The following TECPR1 variants were observed in gnomAD, a reference collection of about 807,000 sequenced individuals.
TECPR1 encodes tectonin beta-propeller repeat-containing protein 1.
TECPR1 carries 122 observed loss-of-function variants against 162.4 expected under a neutral mutation model. The observed-to-expected ratio is 0.75, with a 90% CI of 0.65 to 0.87. The LOEUF is 0.87. TECPR1 is among the 40% of genes least tolerant of loss of function. The pLI, the probability that TECPR1 is intolerant of heterozygous loss-of-function variation, is 0.00. For missense variants in TECPR1, 1,432 were observed against 1,618.2 expected (o/e 0.88, Z 1.97); for synonymous variants, 642 against 670.6 (o/e 0.96, Z 0.66).
chr7:98,225,901 A>G (rs151305126), intron 17 of TECPR1, among the ~76,000 whole-genome samples: 6 of 152,320 alleles, frequency 3.9e-5, no homozygotes, highest in Admixed American at 2.0e-4. Context: ...CTGGGATTAC[A>G]GGCGTGAATC....
intron 4 of TECPR1, 96 bp from the exon 5 acceptor site, chr7:98,244,789 G>A (rs1396231940): frequency 1.5e-5 from 24 of 1,581,498 alleles, no homozygotes; most frequent in Non-Finnish European, 2.0e-5. Flanking sequence ...AAACACCCGA[G>A]CTCAGGCACC....
intron 17 of TECPR1, chr7:98,226,784 A>G: frequency 1.7e-6 from 1 of 583,144 alleles, no homozygotes; most frequent in Non-Finnish European, 2.8e-6. Context: ...AAATACAAAA[A>G]TAGCCAGGTA....
At chr7:98,245,290 A>G (rs1482840211) in intron 3 of TECPR1, among the ~76,000 whole-genome samples, 2 of 152,214 alleles carry the variant, frequency 1.3e-5, no homozygotes. Flanking sequence ...CCAAAGGGCA[A>G]AGAACCTCCT....
chr7:98,225,170 C>T, intron 17 of TECPR1, 68 bp from the exon 18 acceptor site: 2 of 1,389,928 alleles, frequency 1.4e-6, no homozygotes, highest in Non-Finnish European at 2.0e-6. Flanking sequence ...CAGACACCCC[C>T]ATAACACCCC....
Position 98,215,073 on chromosome 7 carries a change from C to G in TECPR1, c.*2317G>C, listed in dbSNP as rs1055831842. 3 of 152,334 alleles carry G rather than the reference C, an allele frequency of 2.0e-5. No homozygotes were observed. Among genetic ancestry groups the G allele is most frequent in the Non-Finnish European group, 4.4e-5 (3 of 68,108 alleles). 9.4% of individuals were successfully genotyped at this position (152,334 alleles called of 1,614,324 possible). On this transcript the variant is annotated 3_prime_UTR_variant, in exon 26 of 26. Coordinates refer to ENST00000447648, the MANE Select transcript of TECPR1 (RefSeq NM_015395.3). ...GATCCTTTTATCCCGTGGGGAGCCCCTGCCTCGGCCATCGGGATGAGGTCC... is the reference window on the plus strand; with the variant it reads ...GATCCTTTTATCCCGTGGGGAGCCCGTGCCTCGGCCATCGGGATGAGGTCC...
intron 9 of TECPR1, among the ~76,000 whole-genome samples, chr7:98,237,295 CT>C (rs1201019719): frequency 1.3e-5 from 2 of 152,158 alleles, no homozygotes; most frequent in African/African-American, 4.8e-5. Flanking sequence ...GTTTTGTTGT[CT>C]TTGTTTTTTG....
chr7:98,224,737 C>T (rs916783788), intron 19 of TECPR1, 64 bp downstream of exon 19: 61 of 1,468,042 alleles, frequency 4.2e-5, no homozygotes, highest in Non-Finnish European at 5.2e-5. Context: ...GGCCAGAGGC[C>T]ACACACTCCA....
chr7:98,226,350 TC>T (rs1176800308), intron 17 of TECPR1: 3 of 682,096 alleles, frequency 4.4e-6, no homozygotes, highest in Non-Finnish European at 3.6e-6. Context: ...CACAGGGACA[TC>T]CTTTAAATGG....
chr7:98,225,699 G>A (rs1261537673), intron 17 of TECPR1, among the ~76,000 whole-genome samples: 1 of 152,044 alleles, frequency 6.6e-6, no homozygotes, highest in Non-Finnish European at 1.5e-5. Context: ...TGTCACCCAG[G>A]CTGGAGTGCA....
intron 16 of TECPR1, chr7:98,228,813 C>T (rs926516681): frequency 3.2e-5 from 17 of 525,356 alleles, no homozygotes; most frequent in Middle Eastern, 5.3e-4. Flanking sequence ...TGCTGGTGGA[C>T]CCTGGCCGCT....
At position 98,252,171 on chromosome 7, in the gene TECPR1, G is replaced by C. The variant is rs998164854; in HGVS notation, c.-220C>G. ...GCGAAGTCGCGGTGGTAGGTCCTCG[G>C]CGTCCGGGAGGAGCGGACCGGCCCT... On this transcript the variant is annotated 5_prime_UTR_variant, in exon 1 of 26. Transcript: ENST00000447648. 2 of 152,590 alleles carry C rather than the reference G, an allele frequency of 1.3e-5. No individual in the cohort carries two copies. The highest frequency in any genetic ancestry group is 4.8e-5 in the African/African-American group (2 of 41,476). 9.5% of individuals were successfully genotyped at this position (152,590 alleles called of 1,614,324 possible).
At position 98,228,086 on chromosome 7, in the gene TECPR1, G is replaced by C. The variant is rs755722702; in HGVS notation, c.2441C>G (p.Thr814Arg). 12 of 1,612,458 alleles carry C rather than the reference G, an allele frequency of 7.4e-6. No homozygotes were observed. The highest frequency in any genetic ancestry group is 1.7e-6 in the Non-Finnish European group (2 of 1,179,500). ...GTGAACACACTTCACGTCTGACTGC[G>C]TGTAGATGTTACTGGTGCTGCTGGC... Reference protein sequence around the residue: ...GLASSTSNIYTQSDVKCVHIY... With the variant: ...GLASSTSNIYRQSDVKCVHIY... Residue 814 changes from threonine (T) to arginine (R), a missense_variant, in exon 17 of 26, where the codon ACG (threonine) becomes AGG (arginine). By Grantham distance (71) the Thr-to-Arg change is moderately conservative. Coordinates refer to ENST00000447648, the MANE Select transcript of TECPR1 (RefSeq NM_015395.3).
In TECPR1 at chr7:98,231,104, G is replaced by C. The variant is rs1475635787; in HGVS notation, c.2139C>G (p.Ser713Arg). 2 of 1,601,240 alleles carry C rather than the reference G, an allele frequency of 1.2e-6. No homozygotes were observed. Among genetic ancestry groups the C allele is most frequent in the South Asian group, 1.1e-5 (1 of 89,540 alleles). ...QDMNDWLALL[S>R]LSCCESRKVQ... ...CCTTCCGGCTCTCGCAGCAAGACAG[G>C]CTGAGCAGGGCGAGCTGGTGTGGCA... Residue 713 changes from serine (S) to arginine (R), a missense_variant, in exon 15 of 26, where the codon AGC (serine) becomes AGG (arginine). Ser to Arg is a moderately radical substitution (Grantham distance 110, BLOSUM62 -1). Coordinates refer to ENST00000447648, the MANE Select transcript of TECPR1 (RefSeq NM_015395.3).
intron 15 of TECPR1, among the ~76,000 whole-genome samples, chr7:98,229,624 G>A (rs1302497510): frequency 6.6e-6 from 1 of 151,818 alleles, no homozygotes; most frequent in East Asian, 2.0e-4. Flanking sequence ...TGGGCTTCCA[G>A]GGTGTCAGCG....
chr7:98,232,027 TG>T lies in TECPR1; in HGVS notation c.1819-69del, dbSNP rs1584338067. The T allele has an allele frequency of 4.2e-5, 64 of 1,513,256 alleles. No homozygotes were observed. In the South Asian group the frequency reaches 7.0e-4, roughly 17 times the overall value. 93.7% of individuals were successfully genotyped at this position (1,513,256 alleles called of 1,614,324 possible). A position where few individuals can be genotyped will look rare whatever the true frequency, so the allele number is the denominator to read the frequency against. On this transcript the variant is annotated intron_variant, in intron 12 of 25. Transcript: ENST00000447648. This position sits in a 1 kb window ranked among gnomAD's most constrained non-coding sequence, Gnocchi z 4.6. ...GGGTGCCAGGGGAGGAGGGCGGGGC[TG>T]GGGGTGCCCAGAGGAGGAGGCAGGG...
Position 98,233,448 on chromosome 7 carries a change from T to C in TECPR1, c.1645A>G (p.Met549Val), listed in dbSNP as rs1451363116. 2.7e-6 allele frequency: 4 copies of C among 1,468,740 alleles called. No individual in the cohort carries two copies. Among genetic ancestry groups the C allele is most frequent in the Admixed American group, 2.7e-5 (1 of 36,772 alleles). 91.0% of individuals were successfully genotyped at this position (1,468,740 alleles called of 1,614,324 possible). The part of the protein sequence containing the change: ...GGGCVVEACA[M>V]PRWFTVQAGL... The stretch of plus-strand genomic sequence containing the variant: ...GCCTGGACAGTGAACCATCTGGGCA[T>C]GGCACATGCCTCCACCACGCAGCCG... The change falls in exon 11 of 26, where the codon ATG becomes GTG. Residue 549 changes from methionine (M) to valine (V), a missense_variant. By Grantham distance (21) the Met-to-Val change is conservative. Coordinates refer to ENST00000447648, the MANE Select transcript of TECPR1 (RefSeq NM_015395.3).
intron 5 of TECPR1, 97 bp downstream of exon 5, chr7:98,244,474 C>A (rs1798848722): frequency 6.7e-7 from 1 of 1,489,238 alleles, no homozygotes; most frequent in Non-Finnish European, 9.0e-7. Context: ...GCGTGGTGTC[C>A]CCTGGTGCAC....
At chr7:98,222,653 C>T (rs1425151066) in intron 21 of TECPR1, 132 bp from the exon 22 acceptor site, 1 of 1,104,238 alleles carries the variant, frequency 9.1e-7, no homozygotes, top group Admixed American at 2.8e-5. Flanking sequence ...AGTCACACAG[C>T]CCCACCCGGC....
Position 98,216,359 on chromosome 7 carries a change from G to A in TECPR1, c.*1031C>T, listed in dbSNP as rs1387889125. The A allele has an allele frequency of 6.6e-6, 1 of 152,388 alleles. No homozygotes were observed. The highest frequency in any genetic ancestry group is 2.4e-5 in the African/African-American group (1 of 41,446). The allele number at this position is 152,388 out of a possible 1,614,324, so 9.4% of individuals were successfully genotyped here. On this transcript the variant is annotated 3_prime_UTR_variant, in exon 26 of 26. Transcript: ENST00000447648. ...TCCTACAACATGATTTGACATCCAA[G>A]AAGCCCCTGTCACCAGCGCATCTGG... is the stretch of plus-strand genomic sequence containing the variant.
Sources: gnomAD v4.1 joint callset for allele counts (sites outside exome capture counted in the v4.1 genomes callset) on GRCh38, gnomAD v4.1.1 for gene constraint, Gnocchi (gnomAD v3.1) non-coding constraint, MANE v1.5 for transcripts, NCBI Gene and HGNC (gene_info 2026-07-23, HGNC 2026-07-21) for gene names.